The following PAFAH2 variants were observed in gnomAD, a reference collection of about 807,000 sequenced individuals.
PAFAH2 encodes platelet-activating factor acetylhydrolase 2, cytoplasmic.
A neutral mutation model predicts 49.0 loss-of-function variants in PAFAH2; 42 were observed. The observed-to-expected ratio is 0.86, with a 90% CI of 0.67 to 1.11. The LOEUF is 1.11. Ranked by LOEUF, PAFAH2 falls within the 50% of genes least tolerant of loss-of-function variation. PAFAH2 has a pLI of 0.00. For synonymous variants in PAFAH2, 184 were observed against 181.3 expected (o/e 1.01, Z -0.12); for missense variants, 503 against 501.8 (o/e 1.00, Z -0.02).
chr1:25,959,923 C>T lies in PAFAH2; in HGVS notation c.*2066G>A, dbSNP rs968295886. On this transcript the variant is annotated 3_prime_UTR_variant, in exon 11 of 11. Transcript: ENST00000374282. ...AATCAAGCTAGAAAAGAAACTATAA[C>T]TAGAAAAATCTCATGTTTGGAAGGT... 2 of 152,146 alleles carry T rather than the reference C, an allele frequency of 1.3e-5. No individual in the cohort carries two copies. The highest frequency in any genetic ancestry group is 2.4e-5 in the African/African-American group (1 of 41,426). 9.4% of individuals were successfully genotyped at this position (152,146 alleles called of 1,614,324 possible).
intron 1 of PAFAH2, among the ~76,000 whole-genome samples, chr1:25,994,429 C>T (rs1177879556): frequency 2.0e-5 from 3 of 152,100 alleles, no homozygotes; most frequent in Admixed American, 6.5e-5. Flanking sequence ...ACCGTGCCAG[C>T]CCTGCCTAGC....
At chr1:25,967,408 C>T (rs538749583) in intron 10 of PAFAH2, among the ~76,000 whole-genome samples, 4 of 152,208 alleles carry the variant, frequency 2.6e-5, no homozygotes, top group African/African-American at 4.8e-5. Context: ...GGAGTTGGCA[C>T]GGAAAGCCAT....
chr1:25,973,053 C>T (rs1349565624), intron 9 of PAFAH2, among the ~76,000 whole-genome samples: 1 of 152,164 alleles, frequency 6.6e-6, no homozygotes, highest in Non-Finnish European at 1.5e-5. Context: ...ATCTGTGGCA[C>T]GTGGCATTTC....
intron 1 of PAFAH2, among the ~76,000 whole-genome samples, chr1:25,996,320 G>A (rs1394694331): frequency 1.3e-5 from 2 of 152,222 alleles, no homozygotes; most frequent in Admixed American, 6.5e-5. Context: ...AACCAAGATT[G>A]TGCCACTGCA....
intron 10 of PAFAH2, among the ~76,000 whole-genome samples, chr1:25,970,330 G>A (rs564480632): frequency 4.6e-4 from 70 of 152,284 alleles, no homozygotes; most frequent in African/African-American, 1.7e-3. Context: ...AGCTGGGTGT[G>A]GTGGCACATG....
chr1:25,984,156 G>A, intron 5 of PAFAH2, 69 bp from the exon 6 acceptor site: 5 of 1,582,652 alleles, frequency 3.2e-6, no homozygotes, highest in Non-Finnish European at 4.3e-6. Flanking sequence ...CTTTACCAAA[G>A]CCTCCCTTTC....
chr1:25,987,380 A>G (rs1172704507), intron 4 of PAFAH2, among the ~76,000 whole-genome samples: 3 of 152,182 alleles, frequency 2.0e-5, no homozygotes, highest in African/African-American at 4.8e-5. Flanking sequence ...ACATTCTGGG[A>G]CCTAAACTAG....
intron 10 of PAFAH2, among the ~76,000 whole-genome samples, chr1:25,971,523 GA>G (rs975526184): frequency 6.0e-5 from 9 of 150,800 alleles, no homozygotes; most frequent in East Asian, 5.8e-4. Context: ...CCACAGAGCA[GA>G]AAAAAAAATG....
rs1301730297 is a variant in PAFAH2 at position 25,961,878 on chromosome 1, T to C, written c.*111A>G. On this transcript the variant is annotated 3_prime_UTR_variant, in exon 11 of 11. Coordinates refer to ENST00000374282, the MANE Select transcript of PAFAH2 (RefSeq NM_000437.4). ...GCAGCAGTGTGATTACACCTTTCAA[T>C]CTGTGAAAAGGGGTCACGTTGATCA... The C allele has an allele frequency of 5.9e-6, 4 of 682,214 alleles. No homozygotes were observed. The highest frequency in any genetic ancestry group is 1.0e-5 in the Non-Finnish European group (4 of 384,216). 42.3% of individuals were successfully genotyped at this position (682,214 alleles called of 1,614,324 possible).
At chr1:25,981,935 C>T (rs980506317) in intron 7 of PAFAH2, among the ~76,000 whole-genome samples, 1 of 151,800 alleles carries the variant, frequency 6.6e-6, no homozygotes, top group Non-Finnish European at 1.5e-5. Context: ...GCAGGAGAAT[C>T]GCTTGAACCC....
chr1:25,984,463 T>C lies in PAFAH2; in HGVS notation c.407A>G (p.His136Arg). ...TCCATGGCGGCTCATCCCTCACCTGTGCTCTGGCACAGCAACCACAAAGCC... is the reference window on the plus strand; with the variant it reads ...TCCATGGCGGCTCATCCCTCACCTGCGCTCTGGCACAGCAACCACAAAGCC... ...SRGFVVAVPE[H>R]RDRSAATTYF... Residue 136 changes from histidine (H) to arginine (R), a missense_variant, in exon 5 of 11, where the codon CAC becomes CGC. His to Arg is a conservative substitution (Grantham distance 29). Transcript: ENST00000374282. 6.2e-7 allele frequency: 1 copy of C among 1,613,100 alleles called. No homozygotes were observed.
chr1:25,990,742 C>T lies in PAFAH2; in HGVS notation c.75G>A (p.Glu25=), dbSNP rs1245067059. 1.9e-6 allele frequency: 3 copies of T among 1,613,790 alleles called. No individual in the cohort carries two copies. The highest frequency in any genetic ancestry group is 2.5e-6 in the Non-Finnish European group (3 of 1,179,850). Residue 25 remains glutamate (E), a synonymous_variant, in exon 2 of 11, where the codon GAG becomes GAA. Transcript: ENST00000374282. ...PHLVGCGDVM[E]GQNLQGSFFR... ...GGACACTTACCTGGAGATTCTGACC[C>T]TCCATCACATCCCCACAGCCTACGA... is the stretch of plus-strand genomic sequence containing the variant.
chr1:25,964,998 C>A (rs2124314389), intron 10 of PAFAH2, among the ~76,000 whole-genome samples: 1 of 152,182 alleles, frequency 6.6e-6, no homozygotes, highest in South Asian at 2.1e-4. Flanking sequence ...ATCACATGAC[C>A]CAACTTCAAA....
chr1:25,989,719 G>T (rs979297716), intron 2 of PAFAH2, 118 bp from the exon 3 acceptor site: 2 of 755,174 alleles, frequency 2.6e-6, no homozygotes, highest in Non-Finnish European at 3.8e-6. Flanking sequence ...CAGGGAAACT[G>T]AAGTTTCAAT....
In PAFAH2 at chr1:25,961,917, G is replaced by GA; in HGVS notation, c.*71_*72insT. The GA allele has an allele frequency of 9.4e-7, 1 of 1,064,910 alleles. No homozygotes were observed. The highest frequency in any genetic ancestry group is 1.5e-6 in the Non-Finnish European group (1 of 687,184). 66.0% of individuals were successfully genotyped at this position (1,064,910 alleles called of 1,614,324 possible). A position where few individuals can be genotyped will look rare whatever the true frequency, so the allele number is the denominator to read the frequency against. On this transcript the variant is annotated 3_prime_UTR_variant, in exon 11 of 11. Transcript: ENST00000374282. ...TCACGTTGATCACTTCTTGATAGGA[G>GA]CTCATGGGTGCCCTTGGGTAGCTCC...
chr1:25,994,339 C>T (rs575424391), intron 1 of PAFAH2, among the ~76,000 whole-genome samples: 3 of 152,180 alleles, frequency 2.0e-5, no homozygotes, highest in African/African-American at 7.2e-5. Context: ...TCATGTTGCC[C>T]AGGCTGGTCT....
intron 10 of PAFAH2, among the ~76,000 whole-genome samples, chr1:25,964,457 G>A (rs1446697174): frequency 1.3e-5 from 2 of 152,208 alleles, no homozygotes; most frequent in East Asian, 3.8e-4. Flanking sequence ...TATAACACCA[G>A]CACTTTGGGA....
At position 25,972,592 on chromosome 1, in the gene PAFAH2, T is replaced by C. The variant is rs772118333; in HGVS notation, c.1050A>G (p.Val350=). The C allele has an allele frequency of 6.2e-7, 1 of 1,613,992 alleles. No homozygotes were observed. The highest frequency in any genetic ancestry group is 1.1e-5 in the South Asian group (1 of 91,080). ...TCTGCAGGAAGGCCAACATGGCCCG[T>C]ACCATAACCTCCTGCCCTTCATAGG... is the stretch of plus-strand genomic sequence containing the variant. The part of the protein sequence containing the change: ...LDPYEGQEVM[V]RAMLAFLQKH... The change falls in exon 10 of 11, where the codon GTA becomes GTG. Residue 350 remains valine (V), a synonymous_variant. Coordinates refer to ENST00000374282, the MANE Select transcript of PAFAH2 (RefSeq NM_000437.4).
chr1:25,962,414 A>G (rs2049352611), intron 10 of PAFAH2, among the ~76,000 whole-genome samples: 1 of 152,224 alleles, frequency 6.6e-6, no homozygotes, highest in Non-Finnish European at 1.5e-5. Flanking sequence ...TGAACTAAGT[A>G]TTAATACTAA....
Sources: allele counts gnomAD v4.1 joint callset (sites outside exome capture counted in the v4.1 genomes callset), GRCh38; gene constraint gnomAD v4.1.1; transcripts MANE v1.5; gene names NCBI Gene and HGNC (gene_info 2026-07-23, HGNC 2026-07-21).